Variants in RBMS3 observed in about 807,000 individuals in gnomAD.
RBMS3 encodes RNA-binding motif, single-stranded-interacting protein 3.
Under a neutral mutation model 66.8 loss-of-function variants are expected in RBMS3, and 27 were observed. The observed-to-expected ratio is 0.40, with a 90% CI of 0.30 to 0.56. The LOEUF (loss-of-function observed/expected upper bound fraction) is 0.56, where lower values mean the gene tolerates loss of function less well. Ranked by LOEUF, RBMS3 falls within the 20% of genes least tolerant of loss-of-function variation. The pLI is 0.40. For synonymous variants in RBMS3, 188 were observed against 183.0 expected (o/e 1.03, Z -0.22); for missense variants, 513 against 549.5 (o/e 0.93, Z 0.66).
intron 6 of RBMS3, among the ~76,000 whole-genome samples, chr3:29,849,170 ATGTG>A (rs10571760): frequency 0.014 from 2,006 of 141,504 alleles, 15 homozygotes; most frequent in South Asian, 0.038. Context: ...CACCAAAGGA[ATGTG>A]TGTGTGTGTG....
intron 4 of RBMS3, among the ~76,000 whole-genome samples, chr3:29,610,146 G>A (rs1171234152): frequency 6.6e-6 from 1 of 151,730 alleles, no homozygotes; most frequent in Non-Finnish European, 1.5e-5. Flanking sequence ...AAATATCCAG[G>A]GAGATATGGG....
At chr3:29,880,977 A>C in intron 7 of RBMS3, among the ~76,000 whole-genome samples, 1 of 150,850 alleles carries the variant, frequency 6.6e-6, no homozygotes, top group Admixed American at 6.6e-5. Flanking sequence ...TTCCCCAATC[A>C]CTCTTTAAGT....
At chr3:29,926,543 G>C (rs2060943648) in intron 10 of RBMS3, among the ~76,000 whole-genome samples, 1 of 152,132 alleles carries the variant, frequency 6.6e-6, no homozygotes, top group Non-Finnish European at 1.5e-5. Flanking sequence ...TGATTTTCCA[G>C]GCCCATTTGC....
chr3:29,668,615 A>G (rs1442162272), intron 4 of RBMS3, among the ~76,000 whole-genome samples: 2 of 152,188 alleles, frequency 1.3e-5, no homozygotes, highest in African/African-American at 4.8e-5. Flanking sequence ...TGTTGTTTGC[A>G]GGGTCTCGGC....
intron 1 of RBMS3, among the ~76,000 whole-genome samples, chr3:29,397,658 C>T (rs957985635): frequency 1.3e-5 from 2 of 152,062 alleles, no homozygotes; most frequent in Non-Finnish European, 1.5e-5. Context: ...TCCTATTATC[C>T]TCTTCTTCTT....
At position 29,988,288 on chromosome 3, in the gene RBMS3, C is replaced by T; in HGVS notation, c.1179+65C>T. On this transcript the variant is annotated intron_variant, in intron 13 of 14. Coordinates refer to ENST00000383767, the MANE Select transcript of RBMS3 (RefSeq NM_001003793.3). ...AAATCTCAGTCACATATACTGTAGT[C>T]CCCCATAACCATAGGAATCCTCACT... The T allele has an allele frequency of 6.7e-6, 9 of 1,334,118 alleles. No homozygotes were observed. The South Asian group carries it at 1.1e-4, about 16-fold the overall frequency. The allele number at this position is 1,334,118 out of a possible 1,614,324, so 82.6% of individuals were successfully genotyped here.
At chr3:29,990,460 CAAAAA>C (rs10596526) in intron 13 of RBMS3, among the ~76,000 whole-genome samples, 2,338 of 106,544 alleles carry the variant, frequency 0.022, 20 homozygotes, top group Non-Finnish European at 0.032. Context: ...CTGTGAGAAA[CAAAAA>C]AAAAAAAAAA....
chr3:29,763,198 A>G (rs545463681), intron 6 of RBMS3, among the ~76,000 whole-genome samples: 18 of 152,182 alleles, frequency 1.2e-4, no homozygotes, highest in African/African-American at 4.3e-4. Context: ...CTCTGCTGCT[A>G]ACTTTCTAAA....
chr3:29,332,585 C>T (rs376197517), intron 1 of RBMS3, among the ~76,000 whole-genome samples: 8 of 152,252 alleles, frequency 5.3e-5, no homozygotes, highest in African/African-American at 1.9e-4. Context: ...GAACAGCACC[C>T]TCAATGTGGT....
intron 2 of RBMS3, among the ~76,000 whole-genome samples, chr3:29,469,797 T>C (rs773268739): frequency 2.7e-5 from 4 of 150,902 alleles, no homozygotes; most frequent in Non-Finnish European, 5.9e-5. Flanking sequence ...AGAAATGAGG[T>C]TGGACAGAGG....
At chr3:29,917,151 G>C (rs2060658042) in intron 10 of RBMS3, among the ~76,000 whole-genome samples, 1 of 151,976 alleles carries the variant, frequency 6.6e-6, no homozygotes, top group African/African-American at 2.4e-5. Context: ...ACCAAAAAAA[G>C]ATCCTCTCTT....
chr3:29,335,078 A>G (rs2035870443), intron 1 of RBMS3, among the ~76,000 whole-genome samples: 2 of 151,962 alleles, frequency 1.3e-5, no homozygotes, highest in Admixed American at 6.6e-5. Flanking sequence ...CTGTTAACAT[A>G]CTGGAAAATG....
rs149622568 is a variant in RBMS3 at position 29,513,585 on chromosome 3, G to C, written c.307+25086G>C. Among the ~76,000 whole-genome samples the C allele has an allele frequency of 1.1e-3, 167 of 152,194 alleles. 1 individual carries two copies. Among genetic ancestry groups the C allele is most frequent in the African/African-American group, 3.9e-3 (163 of 41,516 alleles). ...TGCCACATTTTATTTTTTCACATGG[G>C]TGACTGATCTGTCATTCATTAATTA... is the stretch of plus-strand genomic sequence containing the variant. On this transcript the variant is annotated intron_variant, in intron 3 of 14. Coordinates refer to ENST00000383767, the MANE Select transcript of RBMS3 (RefSeq NM_001003793.3).
At chr3:29,619,317 G>T (rs2048785577) in intron 4 of RBMS3, among the ~76,000 whole-genome samples, 1 of 147,806 alleles carries the variant, frequency 6.8e-6, no homozygotes, top group African/African-American at 2.5e-5. Context: ...TTTAAAAAAA[G>T]AACAAAAATG....
At chr3:29,640,246 C>T (rs564006483) in intron 4 of RBMS3, among the ~76,000 whole-genome samples, 1 of 146,514 alleles carries the variant, frequency 6.8e-6, no homozygotes, top group Non-Finnish European at 1.5e-5. Flanking sequence ...ATTTTATTGA[C>T]ATTTTGGTTA....
chr3:29,377,814 T>C (rs4571202), intron 1 of RBMS3, among the ~76,000 whole-genome samples: 123,520 of 152,158 alleles, frequency 0.81, 50,975 homozygotes, highest in South Asian at 0.92. Flanking sequence ...TGCTCATTCT[T>C]GTTAATGCAT....
intron 3 of RBMS3, among the ~76,000 whole-genome samples, chr3:29,578,637 A>G (rs879819261): frequency 2.4e-4 from 36 of 152,224 alleles, no homozygotes; most frequent in Admixed American, 1.4e-3. Flanking sequence ...TTGAAGGGGG[A>G]AATCATGGAT....
chr3:29,953,971 G>T (rs1204902400), intron 12 of RBMS3, among the ~76,000 whole-genome samples: 1 of 151,572 alleles, frequency 6.6e-6, no homozygotes, highest in Non-Finnish European at 1.5e-5. Context: ...TTTTGTCAAT[G>T]TTAACCCCTC....
At chr3:29,410,292 C>T (rs1053996428) in intron 1 of RBMS3, among the ~76,000 whole-genome samples, 1 of 152,176 alleles carries the variant, frequency 6.6e-6, no homozygotes, top group African/African-American at 2.4e-5. Flanking sequence ...TAACAAATAT[C>T]ACCTATTAGC....
Sources: gnomAD v4.1 joint callset for allele counts (sites outside exome capture counted in the v4.1 genomes callset) on GRCh38, gnomAD v4.1.1 for gene constraint, MANE v1.5 for transcripts, NCBI Gene and HGNC (gene_info 2026-07-23, HGNC 2026-07-21) for gene names.